Variants in SLAMF1 observed in about 807,000 individuals in gnomAD.
The protein encoded by SLAMF1 is signaling lymphocytic activation molecule family member 1.
A neutral mutation model predicts 35.1 loss-of-function variants in SLAMF1; 18 were observed. The observed-to-expected ratio is 0.51, with a 90% CI of 0.35 to 0.76. The LOEUF (loss-of-function observed/expected upper bound fraction) is 0.76, where lower values mean the gene tolerates loss of function less well. Ranked by LOEUF, SLAMF1 falls within the 30% of genes least tolerant of loss-of-function variation. The pLI is 0.01. For synonymous variants in SLAMF1, 168 were observed against 157.2 expected (o/e 1.07, Z -0.51); for missense variants, 392 against 413.0 (o/e 0.95, Z 0.44).
intron 1 of SLAMF1, among the ~76,000 whole-genome samples, chr1:160,638,995 A>C (rs1269185347): frequency 6.6e-6 from 1 of 152,144 alleles, no homozygotes; most frequent in Non-Finnish European, 1.5e-5. Context: ...CCAATTGCAC[A>C]GTCTGACATA....
At chr1:160,614,605 T>C (rs1375834089) in intron 5 of SLAMF1, among the ~76,000 whole-genome samples, 1 of 151,890 alleles carries the variant, frequency 6.6e-6, no homozygotes, top group Non-Finnish European at 1.5e-5. Flanking sequence ...GAGAGACCTT[T>C]ATCAACAGAT....
rs1287076363 is a variant in SLAMF1, at chr1:160,637,409, A to G, written c.197T>C (p.Met66Thr). ...GACACTGTTCTCCAGTGATTTTGCC[A>G]TTGTGACGACAATGTGGATGCTTTT... The part of the protein sequence containing the change: ...MNKSIHIVVT[M>T]AKSLENSVEN... Residue 66 changes from methionine to threonine, a missense_variant, in exon 2 of 7, where the codon ATG becomes ACG. By Grantham distance (81) the Met-to-Thr change is moderately conservative (BLOSUM62 -1). Coordinates refer to ENST00000302035, the MANE Select transcript of SLAMF1 (RefSeq NM_003037.5). 6.2e-7 allele frequency: 1 copy of G among 1,614,030 alleles called. No individual in the cohort carries two copies. Among genetic ancestry groups the G allele is most frequent in the Non-Finnish European group, 8.5e-7 (1 of 1,180,010 alleles).
intron 5 of SLAMF1, 95 bp from the exon 6 acceptor site, chr1:160,612,675 AG>A: frequency 1.4e-6 from 1 of 728,618 alleles, no homozygotes; most frequent in Non-Finnish European, 2.4e-6. Context: ...AGAAGACTTG[AG>A]GCAGAAAGTT....
At chr1:160,632,779 T>C (rs1032744044) in intron 3 of SLAMF1, among the ~76,000 whole-genome samples, 2 of 152,220 alleles carry the variant, frequency 1.3e-5, no homozygotes, top group African/African-American at 4.8e-5. Context: ...TTTTGTAGCT[T>C]TTATAATAAA....
intron 3 of SLAMF1, among the ~76,000 whole-genome samples, chr1:160,630,460 C>G (rs912831576): frequency 1.3e-5 from 2 of 152,154 alleles, no homozygotes; most frequent in Non-Finnish European, 1.5e-5. Flanking sequence ...CACCATTAAC[C>G]GCTGTGAGGT....
intron 2 of SLAMF1, 87 bp from the exon 3 acceptor site, chr1:160,634,984 C>T (rs146883937): frequency 8.3e-7 from 1 of 1,202,718 alleles, no homozygotes; most frequent in African/African-American, 1.5e-5. Flanking sequence ...AAAGTACAGC[C>T]TAATGGCATT....
At chr1:160,634,972 A>G in intron 2 of SLAMF1, 75 bp from the exon 3 acceptor site, 1 of 1,341,454 alleles carries the variant, frequency 7.5e-7, no homozygotes, top group Non-Finnish European at 1.0e-6. Context: ...TTTTGTTAGA[A>G]CAAAGTACAG....
At chr1:160,620,411 A>G (rs900239860) in intron 4 of SLAMF1, among the ~76,000 whole-genome samples, 5 of 152,188 alleles carry the variant, frequency 3.3e-5, no homozygotes, top group African/African-American at 1.2e-4. Flanking sequence ...GACTATTTAG[A>G]AAATAAAGCA....
At position 160,608,718 on chromosome 1, in the gene SLAMF1, G is replaced by A. The variant is rs1430833138; in HGVS notation, c.*2030C>T. The A allele has an allele frequency of 1.4e-5, 2 of 146,916 alleles. No individual in the cohort carries two copies. The highest frequency in any genetic ancestry group is 5.1e-5 in the African/African-American group (2 of 39,232). The allele number at this position is 146,916 out of a possible 1,614,324, so 9.1% of individuals were successfully genotyped here. On this transcript the variant is annotated 3_prime_UTR_variant, in exon 7 of 7. Coordinates refer to ENST00000302035, the MANE Select transcript of SLAMF1 (RefSeq NM_003037.5). Reference sequence around the variant, plus strand: ...GGGAACTGAGCTTCTAGAGCAATCTGAGTTGTAGTAAAGGAATGGGTGCTC... The same window carrying A: ...GGGAACTGAGCTTCTAGAGCAATCTAAGTTGTAGTAAAGGAATGGGTGCTC...
chr1:160,623,198 G>A, intron 4 of SLAMF1, among the ~76,000 whole-genome samples: 1 of 152,032 alleles, frequency 6.6e-6, no homozygotes, highest in Non-Finnish European at 1.5e-5. Flanking sequence ...TCTCATCCTG[G>A]GTCATCTCAC....
intron 1 of SLAMF1, among the ~76,000 whole-genome samples, chr1:160,639,643 T>G (rs975785356): frequency 3.3e-5 from 5 of 152,200 alleles, no homozygotes; most frequent in African/African-American, 1.2e-4. Flanking sequence ...GCCTGGGTAC[T>G]GCCGTCTTCT....
Position 160,635,399 on chromosome 1 carries a change from G to C in SLAMF1, c.416-502C>G, listed in dbSNP as rs533738761. On this transcript the variant is annotated intron_variant, in intron 2 of 6. Transcript: ENST00000302035. ...CATGGGTGAGTGAGTGGGTGGGTGT[G>C]TAGTAAGTGCTTTTGTGTGTCTGAG... 2.0e-5 allele frequency among the ~76,000 whole-genome samples: 3 copies of C among 152,308 alleles called. No individual in the cohort carries two copies. The South Asian group carries it at 6.2e-4, about 32-fold the overall frequency.
rs1164287269 is a variant in SLAMF1 at position 160,634,593 on chromosome 1, G to C, written c.700+20C>G. 6.4e-7 allele frequency: 1 copy of C among 1,571,162 alleles called. No homozygotes were observed. Among genetic ancestry groups the C allele is most frequent in the Non-Finnish European group, 8.7e-7 (1 of 1,154,336 alleles). On this transcript the variant is annotated intron_variant, in intron 3 of 6. Transcript: ENST00000302035. ...CCATGCTCATTAAGGTGGCACACAG[G>C]CTGCCACCAGTGTACTCACCTGAGG...
rs746519859 is a variant in SLAMF1, at chr1:160,612,579, G to A, written c.866C>T (p.Pro289Leu). ...TIYAQVQKPGPLQKKLDSFPA... is the reference protein window; with the variant it reads ...TIYAQVQKPGLLQKKLDSFPA... ...GAAGGAGTCAAGTTTCTTCTGAAGA[G>A]GCTACAAGAGAAGCAAAGAAAGCAG... is the stretch of plus-strand genomic sequence containing the variant. The change falls in exon 6 of 7, where the codon CCT becomes CTT. Residue 289 changes from proline to leucine, a missense_variant and splice_region_variant. Transcript: ENST00000302035. 1.2e-5 allele frequency: 19 copies of A among 1,601,400 alleles called. No homozygotes were observed. In the South Asian group the frequency reaches 1.8e-4, roughly 15 times the overall value.
chr1:160,630,183 C>T (rs1388370809), intron 3 of SLAMF1, among the ~76,000 whole-genome samples: 1 of 152,176 alleles, frequency 6.6e-6, no homozygotes, highest in African/African-American at 2.4e-5. Context: ...CACACACTGT[C>T]CACAGCTGAC....
At chr1:160,632,328 G>T (rs1194979366) in intron 3 of SLAMF1, among the ~76,000 whole-genome samples, 2 of 152,110 alleles carry the variant, frequency 1.3e-5, no homozygotes, top group African/African-American at 2.4e-5. Flanking sequence ...GAGGGGAACG[G>T]CTGGACAGTT....
At chr1:160,641,436 G>T (rs890952958) in intron 1 of SLAMF1, among the ~76,000 whole-genome samples, 14 of 151,540 alleles carry the variant, frequency 9.2e-5, no homozygotes, top group Admixed American at 1.3e-4. Context: ...GAGAAAGAGG[G>T]ATATAAGAGA....
At chr1:160,620,210 A>G (rs1659534651) in intron 4 of SLAMF1, among the ~76,000 whole-genome samples, 1 of 152,148 alleles carries the variant, frequency 6.6e-6, no homozygotes, top group Admixed American at 6.5e-5. Context: ...TCTGTTGCTC[A>G]ATGTGCATAT....
chr1:160,614,689 C>T (rs1457773197), intron 5 of SLAMF1, among the ~76,000 whole-genome samples: 1 of 151,932 alleles, frequency 6.6e-6, no homozygotes, highest in Non-Finnish European at 1.5e-5. Context: ...AGGCAAATAA[C>T]TTACATTTTT....
Sources: gnomAD v4.1 joint callset for allele counts (sites outside exome capture counted in the v4.1 genomes callset) on GRCh38, gnomAD v4.1.1 for gene constraint, MANE v1.5 for transcripts, NCBI Gene and HGNC (gene_info 2026-07-23, HGNC 2026-07-21) for gene names.